LSM6: variants seen among roughly 807,000 people sequenced by gnomAD.
LSM6 encodes LSM6 homolog, U6 small nuclear RNA and mRNA degradation associated.
In LSM6, 2 loss-of-function variants were observed where a neutral mutation model predicts 13.5. That is an observed-to-expected ratio of 0.15 (90% confidence interval 0.06 to 0.47). The LOEUF is 0.47. Ranked by LOEUF, LSM6 falls within the 20% of genes least tolerant of loss-of-function variation. The pLI is 0.97. For synonymous variants in LSM6, 43 were observed against 34.9 expected, an observed-to-expected ratio of 1.23 and a Z score of -0.82; for missense variants, 58 against 96.4, an observed-to-expected ratio of 0.60 and a Z score of 1.67.
chr4:146,176,784 A>G (rs1294303847), intron 1 of LSM6: 1 of 151,810 alleles, frequency 6.6e-6, no homozygotes, highest in African/African-American at 2.4e-5. Context: ...TTGTTTTTGA[A>G]TTTTTACATC....
intron 1 of LSM6, among the ~76,000 whole-genome samples, chr4:146,178,665 G>T (rs907952998): frequency 6.6e-6 from 1 of 152,228 alleles, no homozygotes; most frequent in Non-Finnish European, 1.5e-5. Context: ...GGATTTTCAT[G>T]TCTTCTGCTC....
intron 2 of LSM6, among the ~76,000 whole-genome samples, chr4:146,187,021 C>T (rs917623959): frequency 1.3e-5 from 2 of 152,180 alleles, no homozygotes; most frequent in African/African-American, 2.4e-5. Flanking sequence ...TGTGGTCATA[C>T]GTACCATGAG....
At chr4:146,175,835 C>T (rs1400320959) in intron 1 of LSM6, 24 bp downstream of exon 1, 4 of 152,430 alleles carry the variant, frequency 2.6e-5, no homozygotes, top group Non-Finnish European at 5.9e-5. Context: ...CTGCGCGGGC[C>T]GACGACGGGG....
At chr4:146,181,161 T>C (rs1730222530) in intron 1 of LSM6, 1 of 152,220 alleles carries the variant, frequency 6.6e-6, no homozygotes, top group African/African-American at 2.4e-5. Context: ...GCAAAATAAT[T>C]TATTGCATTT....
chr4:146,177,272 C>A (rs1730133073), intron 1 of LSM6, among the ~76,000 whole-genome samples: 1 of 152,164 alleles, frequency 6.6e-6, no homozygotes, highest in South Asian at 2.1e-4. Context: ...GGCAGTCTCT[C>A]ACTGAACTGT....
intron 3 of LSM6, among the ~76,000 whole-genome samples, chr4:146,188,131 T>C (rs1216689774): frequency 6.6e-6 from 1 of 152,206 alleles, no homozygotes; most frequent in African/African-American, 2.4e-5. Context: ...ACTTCCTGAC[T>C]TTTATAATAA....
chr4:146,189,547 C>A, intron 3 of LSM6, 75 bp from the exon 4 acceptor site: 2 of 910,930 alleles, frequency 2.2e-6, no homozygotes, highest in African/African-American at 1.7e-5. Context: ...AATCTGTTGG[C>A]TTTTAAACTT....
chr4:146,179,779 A>G (rs1730191372), intron 1 of LSM6, among the ~76,000 whole-genome samples: 1 of 152,244 alleles, frequency 6.6e-6, no homozygotes, highest in Admixed American at 6.5e-5. Context: ...TGCTATGGAA[A>G]GTAGAGAGTG....
rs1730090446 is a variant in LSM6 at position 146,175,824 on chromosome 4, G to C, written c.-11+13G>C. ...TCCCGCCGGCGAGGTGAGCCGCACC[G>C]CTGCGCGGGCCGACGACGGGGCCGG... On this transcript the variant is annotated intron_variant, in intron 1 of 3. Transcript: ENST00000296581. 1 of 152,458 alleles carries C rather than the reference G, an allele frequency of 6.6e-6. No homozygotes were observed. The highest frequency in any genetic ancestry group is 1.5e-5 in the Non-Finnish European group (1 of 68,232). The allele number at this position is 152,458 out of a possible 1,614,324, so 9.4% of individuals were successfully genotyped here.
At chr4:146,189,279 C>T (rs1353792255) in intron 3 of LSM6, among the ~76,000 whole-genome samples, 2 of 152,182 alleles carry the variant, frequency 1.3e-5, no homozygotes, top group Non-Finnish European at 2.9e-5. Context: ...AGGCGTGAGC[C>T]ACCGTGTTCA....
At chr4:146,180,235 T>C (rs1730203303) in intron 1 of LSM6, among the ~76,000 whole-genome samples, 1 of 152,224 alleles carries the variant, frequency 6.6e-6, no homozygotes, top group African/African-American at 2.4e-5. Context: ...TTTGTAAAAT[T>C]CTGCATTTAC....
chr4:146,187,622 T>C, intron 3 of LSM6: 1 of 390,458 alleles, frequency 2.6e-6, no homozygotes, highest in Admixed American at 3.7e-5. Context: ...AGGGACATTG[T>C]TCTCCTTACC....
chr4:146,189,654 T>G lies in LSM6; in HGVS notation c.241T>G (p.Ter81GlyextTer20), dbSNP rs764417554. Residue 81 changes from the stop codon to glycine (G), a stop_lost, in exon 4 of 4, where the codon TGA (stop) becomes GGA (glycine). Coordinates refer to ENST00000296581, the MANE Select transcript of LSM6 (RefSeq NM_007080.3). ...LYISTQKRRM[*>G] ...CATCAGTACACAGAAGAGACGGATG[T>G]GAAGACACCAAGAGAGCAACGCTTT... is the stretch of plus-strand genomic sequence containing the variant. The G allele has an allele frequency of 3.7e-6, 6 of 1,601,168 alleles. No individual in the cohort carries two copies. In the African/African-American group the frequency reaches 5.4e-5, roughly 14 times the overall value.
intron 1 of LSM6, chr4:146,176,278 A>G (rs1730106243): frequency 1.3e-5 from 2 of 152,262 alleles, no homozygotes; most frequent in Admixed American, 6.5e-5. Context: ...CCTCTCCTAC[A>G]TCGGGGTGGC....
intron 1 of LSM6, chr4:146,176,332 C>A (rs779868653): frequency 6.6e-6 from 1 of 152,270 alleles, no homozygotes; most frequent in East Asian, 1.9e-4. Context: ...GCCTGTCTTA[C>A]CAAGTTGTCA....
chr4:146,186,661 T>C (rs1440409676), intron 2 of LSM6, among the ~76,000 whole-genome samples: 1 of 152,258 alleles, frequency 6.6e-6, no homozygotes, highest in Non-Finnish European at 1.5e-5. Flanking sequence ...CAAGATGTGT[T>C]ATAATGCAAT....
intron 2 of LSM6, 55 bp downstream of exon 2, chr4:146,183,070 TA>T: frequency 7.9e-7 from 1 of 1,270,104 alleles, no homozygotes; most frequent in Non-Finnish European, 1.2e-6. Flanking sequence ...AAATGTGACT[TA>T]CTGATATTTA....
intron 1 of LSM6, among the ~76,000 whole-genome samples, chr4:146,178,394 C>A (rs930689514): frequency 2.6e-5 from 4 of 152,136 alleles, no homozygotes; most frequent in African/African-American, 9.7e-5. Context: ...AGAAGTAGCC[C>A]CTGCTGCCGA....
At chr4:146,177,862 G>T (rs913096050) in intron 1 of LSM6, among the ~76,000 whole-genome samples, 1 of 152,154 alleles carries the variant, frequency 6.6e-6, no homozygotes, top group Admixed American at 6.5e-5. Flanking sequence ...GCAGGGTGGG[G>T]CAGGGTTGGG....
Sources: allele counts gnomAD v4.1 joint callset (sites outside exome capture counted in the v4.1 genomes callset), GRCh38; gene constraint gnomAD v4.1.1; transcripts MANE v1.5; gene names NCBI Gene and HGNC (gene_info 2026-07-23, HGNC 2026-07-21).